CDH13: variants seen among roughly 807,000 people sequenced by gnomAD.
CDH13 encodes cadherin-13.
In CDH13, 24 loss-of-function variants were observed where a neutral mutation model predicts 63.8. The observed-to-expected ratio is 0.38, with a 90% CI of 0.27 to 0.53. CDH13 has a LOEUF of 0.53. CDH13 is among the 20% of genes least tolerant of loss of function. The probability of loss-of-function intolerance (pLI) is 0.85; values close to 1 mark genes in which losing one functional copy is unlikely to be tolerated. For missense variants in CDH13, 1,049 were observed against 903.1 expected, an observed-to-expected ratio of 1.16 and a Z score of -2.07; for synonymous variants, 503 against 355.3, an observed-to-expected ratio of 1.42 and a Z score of -4.67.
At chr16:83,003,967 C>T (rs1400187498) in intron 2 of CDH13, among the ~76,000 whole-genome samples, 3 of 152,046 alleles carry the variant, frequency 2.0e-5, no homozygotes, top group Non-Finnish European at 2.9e-5. Flanking sequence ...ACTTCCTTAT[C>T]GTATTAACAA....
At chr16:82,864,096 T>G (rs964874712) in intron 2 of CDH13, among the ~76,000 whole-genome samples, 2 of 152,236 alleles carry the variant, frequency 1.3e-5, no homozygotes, top group African/African-American at 4.8e-5. Context: ...GCACCAAATA[T>G]TCTTATTTAC....
intron 7 of CDH13, among the ~76,000 whole-genome samples, chr16:83,543,394 A>C (rs991155676): frequency 6.6e-6 from 1 of 152,204 alleles, no homozygotes; most frequent in Non-Finnish European, 1.5e-5. Flanking sequence ...TTTAATGGGA[A>C]ATTAACAATC....
chr16:83,154,780 G>T (rs1157044122), intron 4 of CDH13, among the ~76,000 whole-genome samples: 1 of 152,240 alleles, frequency 6.6e-6, no homozygotes, highest in South Asian at 2.1e-4. Flanking sequence ...AAAAGATAAA[G>T]ATTTTTGGCC....
At chr16:83,330,018 C>A (rs1359113563) in intron 5 of CDH13, among the ~76,000 whole-genome samples, 1 of 152,166 alleles carries the variant, frequency 6.6e-6, no homozygotes, top group Non-Finnish European at 1.5e-5. Flanking sequence ...TAAGACCCTG[C>A]TTTCAAATCT....
chr16:83,102,774 G>A (rs974837643), intron 3 of CDH13, among the ~76,000 whole-genome samples: 5 of 152,044 alleles, frequency 3.3e-5, no homozygotes, highest in Non-Finnish European at 1.5e-5. Context: ...AATTGGATAA[G>A]GGTAAGAGGG....
intron 3 of CDH13, among the ~76,000 whole-genome samples, chr16:83,123,095 C>G (rs2151640654): frequency 6.6e-6 from 1 of 152,134 alleles, no homozygotes; most frequent in Middle Eastern, 3.4e-3. Context: ...CTGCAAAAGA[C>G]ATGATTTTAT....
At chr16:83,746,164 G>C (rs1035888930) in intron 10 of CDH13, among the ~76,000 whole-genome samples, 2 of 152,202 alleles carry the variant, frequency 1.3e-5, no homozygotes, top group African/African-American at 4.8e-5. Context: ...CAGTTCTGGA[G>C]GACAGAAGTC....
intron 1 of CDH13, among the ~76,000 whole-genome samples, chr16:82,668,017 G>T (rs1487350477): frequency 6.6e-6 from 1 of 152,122 alleles, no homozygotes; most frequent in African/African-American, 2.4e-5. Flanking sequence ...ACCATTACCA[G>T]GACTGCGCTC....
At chr16:83,758,388 A>G (rs1913687390) in intron 11 of CDH13, among the ~76,000 whole-genome samples, 1 of 152,172 alleles carries the variant, frequency 6.6e-6, no homozygotes, top group African/African-American at 2.4e-5. Context: ...GCATTTGAAA[A>G]AAATTCATGT....
chr16:82,793,488 C>T (rs72805965), intron 1 of CDH13, among the ~76,000 whole-genome samples: 1 of 152,072 alleles, frequency 6.6e-6, no homozygotes, highest in East Asian at 1.9e-4. Context: ...GTTTCATTAT[C>T]CGATTGAGTT....
At chr16:83,291,604 T>G (rs969024200) in intron 5 of CDH13, among the ~76,000 whole-genome samples, 1 of 151,906 alleles carries the variant, frequency 6.6e-6, no homozygotes, top group Non-Finnish European at 1.5e-5. Flanking sequence ...TAGATTTATT[T>G]CCACAGAGAC....
intron 5 of CDH13, among the ~76,000 whole-genome samples, chr16:83,315,432 C>T (rs2090085516): frequency 6.6e-6 from 1 of 152,188 alleles, no homozygotes; most frequent in African/African-American, 2.4e-5. Context: ...TTAAACCTCA[C>T]CTCCAACCCC....
chr16:82,833,233 T>C (rs1220680922), intron 1 of CDH13, among the ~76,000 whole-genome samples: 1 of 152,216 alleles, frequency 6.6e-6, no homozygotes, highest in Non-Finnish European at 1.5e-5. Context: ...CATGAATAAT[T>C]GTGTAGCACT....
chr16:83,518,753 G>C (rs757064932), intron 7 of CDH13, among the ~76,000 whole-genome samples: 10 of 152,054 alleles, frequency 6.6e-5, no homozygotes, highest in Admixed American at 2.6e-4. Flanking sequence ...TTACAGGTTT[G>C]AGCCACCGAG....
chr16:82,753,445 A>C (rs996213096), intron 1 of CDH13, among the ~76,000 whole-genome samples: 1 of 152,112 alleles, frequency 6.6e-6, no homozygotes, highest in Non-Finnish European at 1.5e-5. Context: ...CTCTATAATG[A>C]CAACTCCTAA....
intron 2 of CDH13, among the ~76,000 whole-genome samples, chr16:82,951,035 A>G (rs947144174): frequency 6.6e-6 from 1 of 152,110 alleles, no homozygotes; most frequent in Non-Finnish European, 1.5e-5. Context: ...CTTCGAGAAG[A>G]ATTTTATTGG....
intron 7 of CDH13, among the ~76,000 whole-genome samples, chr16:83,580,060 G>A (rs1905413662): frequency 6.6e-6 from 1 of 152,090 alleles, no homozygotes; most frequent in Non-Finnish European, 1.5e-5. Flanking sequence ...GATAGATAAT[G>A]GATGAGGGGA....
intron 6 of CDH13, among the ~76,000 whole-genome samples, chr16:83,455,688 C>G (rs2073005946): frequency 6.6e-6 from 1 of 152,088 alleles, no homozygotes; most frequent in Non-Finnish European, 1.5e-5. Flanking sequence ...CTTCAGAATC[C>G]TATATGTCAG....
chr16:82,705,154 C>T (rs778192301), intron 1 of CDH13: 8 of 455,994 alleles, frequency 1.8e-5, no homozygotes, highest in South Asian at 1.2e-4. Context: ...ACCACAAAGG[C>T]AAAAGGATCC....
Sources: gnomAD v4.1 joint callset for allele counts (sites outside exome capture counted in the v4.1 genomes callset) on GRCh38, gnomAD v4.1.1 for gene constraint, MANE v1.5 for transcripts, NCBI Gene and HGNC (gene_info 2026-07-23, HGNC 2026-07-21) for gene names.